The following CYP3A4 variants were observed in gnomAD, a reference collection of about 807,000 sequenced individuals.
The protein encoded by CYP3A4 is cytochrome P450 3A4.
Under a neutral mutation model 54.9 loss-of-function variants are expected in CYP3A4, and 41 were observed. The ratio of observed to expected loss-of-function variants is 0.75; its 90% CI spans 0.58 to 0.97. The LOEUF is 0.97. Ranked by LOEUF, CYP3A4 falls within the 50% of genes least tolerant of loss-of-function variation. CYP3A4 has a pLI of 0.00. For synonymous variants in CYP3A4, 179 were observed against 205.2 expected, an observed-to-expected ratio of 0.87 and a Z score of 1.09; for missense variants, 510 against 597.3, an observed-to-expected ratio of 0.85 and a Z score of 1.52.
At chr7:99,758,542 T>C (rs1421625893) in intron 12 of CYP3A4, among the ~76,000 whole-genome samples, 1 of 152,208 alleles carries the variant, frequency 6.6e-6, no homozygotes, top group African/African-American at 2.4e-5. Context: ...GTGCCAGGCC[T>C]GAGACAAATT....
chr7:99,771,520 A>C (rs1159731208), intron 4 of CYP3A4, among the ~76,000 whole-genome samples: 1 of 152,222 alleles, frequency 6.6e-6, no homozygotes, highest in Non-Finnish European at 1.5e-5. Flanking sequence ...TCAAACAGTA[A>C]AGATACACAT....
chr7:99,764,524 G>A (rs1272739505), intron 9 of CYP3A4, among the ~76,000 whole-genome samples: 1 of 152,150 alleles, frequency 6.6e-6, no homozygotes, highest in Non-Finnish European at 1.5e-5. Context: ...GAACTTAAGG[G>A]ACCAATATTG....
chr7:99,776,821 A>T (rs1423179463), intron 3 of CYP3A4, among the ~76,000 whole-genome samples: 1 of 152,140 alleles, frequency 6.6e-6, no homozygotes, highest in East Asian at 1.9e-4. Flanking sequence ...TATGCATGTA[A>T]CCCAGAACTT....
chr7:99,778,050 T>G lies in CYP3A4; in HGVS notation c.196A>C (p.Lys66Gln). Reference protein sequence around the residue: ...GFCMFDMECHKKYGKVWGFYD... With the variant: ...GFCMFDMECHQKYGKVWGFYD... ...CACCCCCACACTTTTCCATACTTTTTATGACATTCCATGTCAAACATACAA... is the reference window on the plus strand; with the variant it reads ...CACCCCCACACTTTTCCATACTTTTGATGACATTCCATGTCAAACATACAA... The change falls in exon 3 of 13, where the codon AAA becomes CAA. Residue 66 changes from lysine (K) to glutamine (Q), a missense_variant. Around this residue, in one of 2 missense-constraint regions of CYP3A4, gnomAD observed 272 missense variants for 274.9 expected, o/e 0.99. Transcript: ENST00000651514. The G allele has an allele frequency of 6.2e-7, 1 of 1,613,044 alleles. No homozygotes were observed.
chr7:99,780,695 T>C (rs1815898949), intron 1 of CYP3A4, among the ~76,000 whole-genome samples: 1 of 152,202 alleles, frequency 6.6e-6, no homozygotes, highest in South Asian at 2.1e-4. Flanking sequence ...ACAGAGTCCT[T>C]ATTTCTACAG....
At chr7:99,762,338 TA>T in intron 10 of CYP3A4, 71 bp from the exon 11 acceptor site, 1 of 1,547,186 alleles carries the variant, frequency 6.5e-7, no homozygotes, top group South Asian at 1.2e-5. Flanking sequence ...CATGCAGTAC[TA>T]ATGAAGTATT....
At position 99,783,008 on chromosome 7, in the gene CYP3A4, CA is replaced by C. The variant is rs1173467371; in HGVS notation, c.71+1002del. On this transcript the variant is annotated intron_variant, in intron 1 of 12. Coordinates refer to ENST00000651514, the MANE Select transcript of CYP3A4 (RefSeq NM_017460.6). ...GAACATGTTGGAAATAGACTATCTC[CA>C]AAAAAATCTGGTTTAAAATAGAATG... Among the ~76,000 whole-genome samples, 29 of 152,032 alleles carry C rather than the reference CA, an allele frequency of 1.9e-4. No homozygotes were observed. The South Asian group carries it at 5.8e-3, about 31-fold the overall frequency.
chr7:99,778,055 C>T lies in CYP3A4; in HGVS notation c.191G>A (p.Cys64Tyr). 1 of 1,612,728 alleles carries T rather than the reference C, an allele frequency of 6.2e-7. No homozygotes were observed. Residue 64 changes from cysteine to tyrosine, a missense_variant, in exon 3 of 13, where the codon TGT becomes TAT. By Grantham distance (194) the Cys-to-Tyr change is radical. This residue lies in a region of CYP3A4 where 272 missense variants were observed against 274.9 expected (regional missense o/e 0.99). Transcript: ENST00000651514. ...HKGFCMFDME[C>Y]HKKYGKVWGF... is the part of the protein sequence containing the mutation. ...CCACACTTTTCCATACTTTTTATGA[C>T]ATTCCATGTCAAACATACAAAAGCC...
At chr7:99,783,329 G>A (rs2151568796) in intron 1 of CYP3A4, among the ~76,000 whole-genome samples, 1 of 152,250 alleles carries the variant, frequency 6.6e-6, no homozygotes, top group South Asian at 2.1e-4. Flanking sequence ...ACATAAAGGG[G>A]AAAATGTAAA....
At chr7:99,762,366 A>G in intron 10 of CYP3A4, 99 bp from the exon 11 acceptor site, 1 of 1,428,152 alleles carries the variant, frequency 7.0e-7, no homozygotes, top group Non-Finnish European at 9.6e-7. Context: ...TCCAGAGACT[A>G]ACTCATACTG....
chr7:99,769,864 C>T lies in CYP3A4; in HGVS notation c.433-8G>A. ...GGCAATGATAGGGACCATCTAAGCA[C>T]AAAACACAACACCACCCATAGTTAA... On this transcript the variant is annotated splice_region_variant and splice_polypyrimidine_tract_variant and intron_variant, in intron 5 of 12. Transcript: ENST00000651514. 6.2e-7 allele frequency: 1 copy of T among 1,613,952 alleles called. No homozygotes were observed. The highest frequency in any genetic ancestry group is 8.5e-7 in the Non-Finnish European group (1 of 1,179,864).
chr7:99,778,627 T>C lies in CYP3A4; in HGVS notation c.166-547A>G, dbSNP rs28988578. Among the ~76,000 whole-genome samples, 45 of 152,188 alleles carry C rather than the reference T, an allele frequency of 3.0e-4. No homozygotes were observed. In the East Asian group the frequency reaches 8.7e-3, roughly 29 times the overall value. On this transcript the variant is annotated intron_variant, in intron 2 of 12. Transcript: ENST00000651514. ...GTTGTTGAGTGAGAAAATGAACGAGTGACAGAATGACAAAGTGAACTCACT... is the reference window on the plus strand; with the variant it reads ...GTTGTTGAGTGAGAAAATGAACGAGCGACAGAATGACAAAGTGAACTCACT...
Position 99,758,055 on chromosome 7 carries a change from T to G in CYP3A4, c.*78A>C, listed in dbSNP as rs1815222577. 4.2e-6 allele frequency: 5 copies of G among 1,181,172 alleles called. No homozygotes were observed. Among genetic ancestry groups the G allele is most frequent in the African/African-American group, 1.5e-5 (1 of 66,388 alleles). The allele number at this position is 1,181,172 out of a possible 1,614,324, so 73.2% of individuals were successfully genotyped here. A position where few individuals can be genotyped will look rare whatever the true frequency, so the allele number is the denominator to read the frequency against. On this transcript the variant is annotated 3_prime_UTR_variant, in exon 13 of 13. Coordinates refer to ENST00000651514, the MANE Select transcript of CYP3A4 (RefSeq NM_017460.6). ...AGCCCATCTTCATTTCAGAGTTCTA[T>G]TCACAAAGTAATTTGAGGTCTCTGG...
intron 1 of CYP3A4, among the ~76,000 whole-genome samples, chr7:99,781,325 T>C (rs865930842): frequency 2.0e-5 from 3 of 152,178 alleles, no homozygotes; most frequent in South Asian, 2.1e-4. Context: ...ACCCAGACTC[T>C]GGTATTTCTT....
At chr7:99,761,002 T>A in intron 11 of CYP3A4, 21 bp from the exon 12 acceptor site, 1 of 1,610,902 alleles carries the variant, frequency 6.2e-7, no homozygotes, top group African/African-American at 1.3e-5. Flanking sequence ...GTTGGTAGAT[T>A]TTTAAAAAGT....
chr7:99,780,101 G>A lies in CYP3A4; in HGVS notation c.72-16C>T, dbSNP rs770705280. 2 of 1,607,328 alleles carry A rather than the reference G, an allele frequency of 1.2e-6. No individual in the cohort carries two copies. The highest frequency in any genetic ancestry group is 1.7e-5 in the Admixed American group (1 of 59,906). On this transcript the variant is annotated splice_polypyrimidine_tract_variant and intron_variant, in intron 1 of 12. Coordinates refer to ENST00000651514, the MANE Select transcript of CYP3A4 (RefSeq NM_017460.6). Reference sequence around the variant, plus strand: ...GGTTCCATATCTACAAAGTGAAACAGAAATCAAGTCACAGCGATTGTGACT... The same window carrying A: ...GGTTCCATATCTACAAAGTGAAACAAAAATCAAGTCACAGCGATTGTGACT...
chr7:99,776,726 A>G (rs1486734164), intron 3 of CYP3A4, among the ~76,000 whole-genome samples: 2 of 152,162 alleles, frequency 1.3e-5, no homozygotes, highest in Non-Finnish European at 2.9e-5. Context: ...TAGCATTAGG[A>G]GAAATACCTA....
chr7:99,771,974 A>G (rs1406568966), intron 4 of CYP3A4, among the ~76,000 whole-genome samples: 2 of 152,178 alleles, frequency 1.3e-5, no homozygotes, highest in Non-Finnish European at 2.9e-5. Context: ...GTAAAGCATT[A>G]AACTTTATGA....
intron 9 of CYP3A4, among the ~76,000 whole-genome samples, 153 bp from the exon 10 acceptor site, chr7:99,764,168 G>A (rs1284813521): frequency 1.3e-5 from 2 of 152,164 alleles, no homozygotes; most frequent in African/African-American, 4.8e-5. Flanking sequence ...TCATTCTGAT[G>A]TGTATCTTAC....
Sources: gnomAD v4.1 joint callset for allele counts (sites outside exome capture counted in the v4.1 genomes callset) on GRCh38, gnomAD v4.1.1 for gene constraint, gnomAD v4.1.1 regional missense constraint, MANE v1.5 for transcripts, NCBI Gene and HGNC (gene_info 2026-07-23, HGNC 2026-07-21) for gene names.